PCDH15: variants seen among roughly 807,000 people sequenced by gnomAD.
PCDH15 encodes the protein protocadherin related 15, also known as protocadherin-15.
A neutral mutation model predicts 178.5 loss-of-function variants in PCDH15; 129 were observed. That is an observed-to-expected ratio of 0.72 (90% CI 0.63 to 0.84). PCDH15 has a LOEUF of 0.84. Ranked by LOEUF, PCDH15 falls within the 40% of genes least tolerant of loss-of-function variation. The pLI, the probability that PCDH15 is intolerant of heterozygous loss-of-function variation, is 0.00. For missense variants in PCDH15, 2,230 were observed against 2,099.9 expected, an observed-to-expected ratio of 1.06 and a Z score of -1.21; for synonymous variants, 800 against 732.0, an observed-to-expected ratio of 1.09 and a Z score of -1.50.
chr10:54,797,901 TC>T (rs1221380391), intron 1 of PCDH15, among the ~76,000 whole-genome samples: 2 of 152,024 alleles, frequency 1.3e-5, no homozygotes, highest in Non-Finnish European at 2.9e-5. Flanking sequence ...GTCTCTCACT[TC>T]AGTTTATACA....
chr10:55,018,788 C>T (rs1376837306), intron 2 of PCDH15, among the ~76,000 whole-genome samples: 2 of 152,056 alleles, frequency 1.3e-5, no homozygotes, highest in East Asian at 1.9e-4. Context: ...GCAGCTAGAA[C>T]ATTTTGTTGA....
chr10:54,604,930 T>C (rs1479801189), intron 2 of PCDH15, among the ~76,000 whole-genome samples: 1 of 151,794 alleles, frequency 6.6e-6, no homozygotes, highest in African/African-American at 2.4e-5. Flanking sequence ...AGATTTTCTT[T>C]TTTAAGTACT....
At chr10:54,270,415 G>C (rs1367773963) in intron 8 of PCDH15, among the ~76,000 whole-genome samples, 1 of 152,064 alleles carries the variant, frequency 6.6e-6, no homozygotes. Flanking sequence ...ATCATTCTTG[G>C]TGTTTTAAAA....
At chr10:54,319,453 G>A (rs1027082713) in intron 7 of PCDH15, among the ~76,000 whole-genome samples, 2 of 152,044 alleles carry the variant, frequency 1.3e-5, no homozygotes, top group African/African-American at 4.8e-5. Flanking sequence ...CATATTATAC[G>A]ATCCATTTAT....
At chr10:54,935,075 T>C (rs950881868) in intron 2 of PCDH15, among the ~76,000 whole-genome samples, 15 of 132,566 alleles carry the variant, frequency 1.1e-4, no homozygotes, top group African/African-American at 4.2e-4. Context: ...CTCTGGGGAC[T>C]GTTGTGGGGT....
At chr10:54,434,205 T>A (rs1268592056) in intron 3 of PCDH15, among the ~76,000 whole-genome samples, 1 of 152,114 alleles carries the variant, frequency 6.6e-6, no homozygotes, top group East Asian at 1.9e-4. Context: ...AAATAAAAGT[T>A]TATTAAGTAA....
At chr10:54,603,723 T>C (rs1488617256) in intron 2 of PCDH15, among the ~76,000 whole-genome samples, 1 of 151,916 alleles carries the variant, frequency 6.6e-6, no homozygotes, top group African/African-American at 2.4e-5. Context: ...CCGAGGTTAA[T>C]GAAAAGCCAA....
intron 1 of PCDH15, among the ~76,000 whole-genome samples, chr10:54,731,789 G>A (rs753501535): frequency 2.0e-5 from 3 of 150,366 alleles, no homozygotes; most frequent in Admixed American, 6.7e-5. Flanking sequence ...GGGTACCAGT[G>A]GCCAGGAAAG....
intron 3 of PCDH15, among the ~76,000 whole-genome samples, chr10:54,385,876 G>A (rs1949857797): frequency 6.6e-6 from 1 of 152,156 alleles, no homozygotes; most frequent in African/African-American, 2.4e-5. Flanking sequence ...TTCAAAGCCT[G>A]ACGAAGTACT....
chr10:54,342,420 G>T (rs1942412991), intron 6 of PCDH15, among the ~76,000 whole-genome samples: 1 of 152,198 alleles, frequency 6.6e-6, no homozygotes, highest in Non-Finnish European at 1.5e-5. Flanking sequence ...TGGGCCTGCA[G>T]GTACATAGAA....
chr10:53,853,478 AG>A (rs1307854496), intron 28 of PCDH15, among the ~76,000 whole-genome samples: 1 of 152,144 alleles, frequency 6.6e-6, no homozygotes, highest in Non-Finnish European at 1.5e-5. Flanking sequence ...CAGGGTGAAA[AG>A]GCAACCTATG....
chr10:53,928,015 A>G (rs1477541607), intron 25 of PCDH15, among the ~76,000 whole-genome samples: 2 of 152,080 alleles, frequency 1.3e-5, no homozygotes, highest in Non-Finnish European at 2.9e-5. Flanking sequence ...TTGTGCAAGC[A>G]AAGACATTTA....
At chr10:55,392,323 T>C (rs1165176131) in intron 2 of PCDH15, among the ~76,000 whole-genome samples, 2 of 152,200 alleles carry the variant, frequency 1.3e-5, no homozygotes, top group Non-Finnish European at 2.9e-5. Flanking sequence ...GTAAAAGAAA[T>C]GCAATAGTTG....
intron 20 of PCDH15, among the ~76,000 whole-genome samples, chr10:54,007,754 T>C (rs1018226991): frequency 2.0e-5 from 3 of 152,184 alleles, no homozygotes; most frequent in Non-Finnish European, 2.9e-5. Context: ...ACTTCATCTT[T>C]TATTTTTTCC....
chr10:55,110,824 T>G (rs1371231164), intron 2 of PCDH15, among the ~76,000 whole-genome samples: 4 of 152,080 alleles, frequency 2.6e-5, no homozygotes, highest in South Asian at 2.1e-4. Context: ...ATAAACTGTA[T>G]GAAAAAACAA....
chr10:55,296,619 C>A (rs1304934559), intron 1 of PCDH15, among the ~76,000 whole-genome samples: 1 of 152,146 alleles, frequency 6.6e-6, no homozygotes, highest in Non-Finnish European at 1.5e-5. Context: ...GTAACAGGAG[C>A]TGAGGGCAGA....
At chr10:54,654,840 G>T (rs1349274134) in intron 2 of PCDH15, 2 of 152,090 alleles carry the variant, frequency 1.3e-5, no homozygotes, top group Non-Finnish European at 2.9e-5. Context: ...CACCTTACCG[G>T]ATATTATTGA....
At chr10:55,324,901 A>C (rs986136933) in intron 2 of PCDH15, among the ~76,000 whole-genome samples, 1 of 152,206 alleles carries the variant, frequency 6.6e-6, no homozygotes, top group Non-Finnish European at 1.5e-5. Flanking sequence ...ATGTGCAAAA[A>C]TTAGCAGCAT....
In PCDH15 at chr10:54,340,411, G is replaced by A. The variant is rs558561504; in HGVS notation, c.594+5954C>T. ...AAATACTTTTCTCCAGGCAAGAAAA[G>A]TACACCTCTAGTATGAATCAAAAGA... On this transcript the variant is annotated intron_variant, in intron 6 of 37. Transcript: ENST00000644397. 2.0e-5 allele frequency among the ~76,000 whole-genome samples: 3 copies of A among 152,256 alleles called. No individual in the cohort carries two copies. The East Asian group carries it at 5.8e-4, about 29-fold the overall frequency.
Sources: allele counts gnomAD v4.1 joint callset (sites outside exome capture counted in the v4.1 genomes callset), GRCh38; gene constraint gnomAD v4.1.1; transcripts MANE v1.5; gene names NCBI Gene and HGNC (gene_info 2026-07-23, HGNC 2026-07-21).